ZNF148: variants seen among roughly 807,000 people sequenced by gnomAD.
ZNF148 encodes the protein zinc finger protein 148, also known as Beta-Enolase Repressor Factor-1.
Under a neutral mutation model 67.7 loss-of-function variants are expected in ZNF148, and 7 were observed. The ratio of observed to expected loss-of-function variants is 0.10; its 90% CI spans 0.06 to 0.19. The LOEUF is 0.19. Ranked by LOEUF, ZNF148 falls within the 10% of genes least tolerant of loss-of-function variation. The pLI is 1.00. For synonymous variants in ZNF148, 333 were observed against 330.7 expected, an observed-to-expected ratio of 1.01 and a Z score of -0.08; for missense variants, 583 against 947.1, an observed-to-expected ratio of 0.62 and a Z score of 5.05.
At chr3:125,260,940 A>G (rs184145536) in intron 7 of ZNF148, among the ~76,000 whole-genome samples, 2 of 152,342 alleles carry the variant, frequency 1.3e-5, no homozygotes, top group East Asian at 3.9e-4. Context: ...TTCCTGATTT[A>G]TTGATAAGCA....
At chr3:125,317,656 T>TAGAGAGAGAGAGAG (rs1332514441) in intron 3 of ZNF148, among the ~76,000 whole-genome samples, 35 of 7,268 alleles carry the variant, frequency 4.8e-3, no homozygotes, top group Non-Finnish European at 9.1e-3. Context: ...TATATATATA[T>TAGAGAGAGAGAGAG]ATATATAGAG....
intron 5 of ZNF148, among the ~76,000 whole-genome samples, chr3:125,280,619 TGCAATGAGC>T (rs1938326685): frequency 6.7e-6 from 1 of 150,248 alleles, no homozygotes; most frequent in African/African-American, 2.5e-5. Flanking sequence ...AGGTCAAGGC[TGCAATGAGC>T]CATCATCATG....
intron 7 of ZNF148, among the ~76,000 whole-genome samples, chr3:125,270,693 A>C (rs576338196): frequency 5.9e-5 from 9 of 152,304 alleles, no homozygotes; most frequent in African/African-American, 2.2e-4. Flanking sequence ...ATGGACAAAT[A>C]AGAAAAATAA....
chr3:125,289,389 A>G (rs923781172), intron 4 of ZNF148, among the ~76,000 whole-genome samples: 5 of 152,212 alleles, frequency 3.3e-5, no homozygotes, highest in African/African-American at 1.2e-4. Context: ...CCATGTGAGA[A>G]TCACAAATCA....
intron 4 of ZNF148, among the ~76,000 whole-genome samples, chr3:125,302,394 A>G (rs944512516): frequency 6.6e-5 from 10 of 152,132 alleles, no homozygotes; most frequent in South Asian, 2.1e-4. Context: ...AAAAAAGAAA[A>G]AAAGAAAAGA....
chr3:125,272,167 C>A (rs1435342909), intron 7 of ZNF148, among the ~76,000 whole-genome samples: 2 of 152,156 alleles, frequency 1.3e-5, no homozygotes, highest in Admixed American at 1.3e-4. Flanking sequence ...CATGAAGACA[C>A]CAATCTGAAT....
chr3:125,298,498 T>C (rs976502368), intron 4 of ZNF148, among the ~76,000 whole-genome samples: 2 of 151,894 alleles, frequency 1.3e-5, no homozygotes, highest in Non-Finnish European at 2.9e-5. Context: ...CAGTTTTACA[T>C]GCAATAACAT....
chr3:125,338,906 G>A (rs899947058), intron 1 of ZNF148: 1 of 152,120 alleles, frequency 6.6e-6, no homozygotes, highest in Non-Finnish European at 1.5e-5. Flanking sequence ...CAATGTAGAG[G>A]TGTGCCTAAA....
rs765717952 is a variant in ZNF148, at chr3:125,233,792, G to A, written c.934C>T (p.Leu312=). ...GFSTSPKDNS[L]PKKKRQKTEK... is the part of the protein sequence containing the mutation. ...GTTTTCTGCCTTTTCTTTTTTGGCAGTGAGTTGTCTTTTGGTGATGTAGAA... is the reference window on the plus strand; with the variant it reads ...GTTTTCTGCCTTTTCTTTTTTGGCAATGAGTTGTCTTTTGGTGATGTAGAA... Residue 312 remains leucine, a synonymous_variant, in exon 9 of 9, where the codon CTG becomes TTG. Transcript: ENST00000360647. This position sits in a 1 kb window ranked among gnomAD's most constrained non-coding sequence, Gnocchi z 5.1. 1.9e-6 allele frequency: 3 copies of A among 1,613,784 alleles called. No individual in the cohort carries two copies. In the Admixed American group the frequency reaches 5.0e-5, roughly 27 times the overall value.
chr3:125,343,103 A>G (rs567583656), intron 1 of ZNF148, among the ~76,000 whole-genome samples: 2 of 152,324 alleles, frequency 1.3e-5, no homozygotes, highest in Admixed American at 1.3e-4. Context: ...TTTCTGTAGA[A>G]GATTCATCCT....
chr3:125,364,849 A>G (rs1424819194), intron 1 of ZNF148, among the ~76,000 whole-genome samples: 1 of 152,194 alleles, frequency 6.6e-6, no homozygotes, highest in Non-Finnish European at 1.5e-5. Flanking sequence ...TTTTTGAGAT[A>G]GTCTGCCTAC....
At chr3:125,273,716 G>A (rs558602980) in intron 7 of ZNF148, among the ~76,000 whole-genome samples, 14 of 152,100 alleles carry the variant, frequency 9.2e-5, no homozygotes, top group African/African-American at 3.1e-4. Context: ...TCCTGACCTC[G>A]TGATCCGCCT....
chr3:125,294,211 G>T (rs1343008700), intron 4 of ZNF148, among the ~76,000 whole-genome samples: 1 of 152,134 alleles, frequency 6.6e-6, no homozygotes, highest in African/African-American at 2.4e-5. Flanking sequence ...CATAAAAGAT[G>T]AGGAAAAGTC....
At chr3:125,322,027 C>CTTTTTTTTTTTTTTTTTTTTTTTT (rs35879999) in intron 3 of ZNF148, among the ~76,000 whole-genome samples, 1 of 82,928 alleles carries the variant, frequency 1.2e-5, no homozygotes, top group Non-Finnish European at 2.1e-5. Flanking sequence ...TAATCAACGG[C>CTTTTTTTTTTTTTTTTTTTTTTTT]TTTTTTTTTT....
At chr3:125,257,390 C>T (rs1473177590) in intron 7 of ZNF148, among the ~76,000 whole-genome samples, 1 of 151,858 alleles carries the variant, frequency 6.6e-6, no homozygotes, top group Non-Finnish European at 1.5e-5. Flanking sequence ...CCCGTCTCTA[C>T]TAAAAATACA....
chr3:125,350,043 G>T (rs777914320), intron 1 of ZNF148, among the ~76,000 whole-genome samples: 1 of 152,156 alleles, frequency 6.6e-6, no homozygotes, highest in South Asian at 2.1e-4. Flanking sequence ...ATGCAAAATG[G>T]TGCATAATAT....
chr3:125,264,652 C>T (rs1937488666), intron 7 of ZNF148, among the ~76,000 whole-genome samples: 3 of 152,196 alleles, frequency 2.0e-5, no homozygotes, highest in Admixed American at 2.0e-4. Flanking sequence ...ATTAGTTTCA[C>T]TCCAATTTCT....
intron 7 of ZNF148, among the ~76,000 whole-genome samples, chr3:125,238,199 G>A (rs1936181935): frequency 6.6e-6 from 1 of 151,866 alleles, no homozygotes. Flanking sequence ...TATAATATAG[G>A]AATAAATCCT....
intron 7 of ZNF148, among the ~76,000 whole-genome samples, chr3:125,239,938 G>A (rs1370984994): frequency 6.6e-6 from 1 of 152,278 alleles, no homozygotes; most frequent in East Asian, 1.9e-4. Flanking sequence ...GTGGAGAATG[G>A]GGAGTGACTA....
Sources: allele counts gnomAD v4.1 joint callset (sites outside exome capture counted in the v4.1 genomes callset), GRCh38; gene constraint gnomAD v4.1.1; non-coding constraint Gnocchi (gnomAD v3.1); transcripts MANE v1.5; gene names NCBI Gene and HGNC (gene_info 2026-07-23, HGNC 2026-07-21).